TEX11: variants seen among roughly 807,000 people sequenced by gnomAD.
The protein encoded by TEX11 is testis expressed 11.
Under a neutral mutation model 84.4 loss-of-function variants are expected in TEX11, and 7 were observed. That is an observed-to-expected ratio of 0.08 (90% CI 0.05 to 0.16). The LOEUF is 0.16. Ranked by LOEUF, TEX11 falls within the 10% of genes least tolerant of loss-of-function variation. The pLI is 1.00. For synonymous variants in TEX11, 264 were observed against 222.8 expected (o/e 1.18, Z -1.64); for missense variants, 551 against 660.5 (o/e 0.83, Z 1.82).
intron 18 of TEX11, among the ~76,000 whole-genome samples, chrX:70,625,636 C>T (rs1162507765): frequency 1.8e-5 from 2 of 111,228 alleles, no homozygotes; most frequent in Non-Finnish European, 3.8e-5. Context: ...CAGACTATAT[C>T]ACCCACTACC....
At chrX:70,530,940 A>C (rs1603027692) in intron 28 of TEX11, among the ~76,000 whole-genome samples, 1 of 111,071 alleles carries the variant, frequency 9.0e-6, no homozygotes, top group Non-Finnish European at 1.9e-5. Flanking sequence ...CAGTTAAAGA[A>C]ATGAGCACTA....
intron 28 of TEX11, among the ~76,000 whole-genome samples, chrX:70,548,803 G>A (rs1001749091): frequency 1.2e-4 from 13 of 111,832 alleles, no homozygotes; most frequent in African/African-American, 4.2e-4. Context: ...GTGCTCTGGG[G>A]TTCTAAATAA....
the TEX11 span, among the ~76,000 whole-genome samples, chrX:70,515,730 C>T: frequency 8.9e-6 from 1 of 112,507 alleles, no homozygotes; most frequent in South Asian, 3.7e-4. Flanking sequence ...AGTTTACAGT[C>T]CCACCAGCAG....
chrX:70,863,724 T>A (rs1169557574), intron 4 of TEX11, among the ~76,000 whole-genome samples: 1 of 111,568 alleles, frequency 9.0e-6, no homozygotes, highest in African/African-American at 3.3e-5. Context: ...GCACAGAGAA[T>A]GAGTTTGACA....
At chrX:70,698,177 T>G (rs1344003557) in intron 13 of TEX11, among the ~76,000 whole-genome samples, 5 of 111,006 alleles carry the variant, frequency 4.5e-5, no homozygotes. Flanking sequence ...CTTTTTGTTG[T>G]GAATGTCCCA....
intron 8 of TEX11, among the ~76,000 whole-genome samples, chrX:70,810,302 C>G (rs921929092): frequency 2.4e-4 from 27 of 111,824 alleles, no homozygotes; most frequent in African/African-American, 8.8e-4. Context: ...GGTATATAGC[C>G]AAAAGATTAT....
intron 17 of TEX11, among the ~76,000 whole-genome samples, chrX:70,632,343 A>C (rs2147565237): frequency 9.0e-6 from 1 of 111,468 alleles, no homozygotes; most frequent in South Asian, 3.8e-4. Flanking sequence ...TAAATAAATT[A>C]AATAGAAATC....
chrX:70,545,526 C>T (rs1341195123), intron 28 of TEX11, among the ~76,000 whole-genome samples: 4 of 111,460 alleles, frequency 3.6e-5, no homozygotes, highest in Non-Finnish European at 7.5e-5. Flanking sequence ...GATGATAATG[C>T]CATTTTCTGG....
chrX:70,623,918 G>C lies in TEX11; in HGVS notation c.1751+32C>G, dbSNP rs370827725. 57 of 1,125,756 alleles carry C rather than the reference G, an allele frequency of 5.1e-5. 2 individuals carry two copies. In the Middle Eastern group the frequency reaches 9.7e-4, roughly 19 times the overall value. 92.8% of individuals were successfully genotyped at this position (1,125,756 alleles called of 1,213,427 possible). On this transcript the variant is annotated intron_variant, in intron 20 of 29. Transcript: ENST00000374333. ...GTAAGTTACTATAATTTGTCTAATG[G>C]GGAATACATCATTTTTGTTGAAATA...
intron 25 of TEX11, among the ~76,000 whole-genome samples, chrX:70,559,321 T>C (rs1569324983): frequency 8.9e-6 from 1 of 112,302 alleles, no homozygotes; most frequent in Non-Finnish European, 1.9e-5. Flanking sequence ...CAAAAGTCCA[T>C]GTATTATATA....
Position 70,907,784 on chromosome X carries a change from G to A in TEX11, c.6C>T (p.Asp2=). 8.5e-7 allele frequency: 1 copy of A among 1,182,409 alleles called. No homozygotes were observed. The highest frequency in any genetic ancestry group is 1.2e-6 in the Non-Finnish European group (1 of 868,861). Residue 2 remains aspartate, a synonymous_variant, in exon 2 of 30, where the codon GAC becomes GAT. Coordinates refer to ENST00000374333, the MANE Select transcript of TEX11 (RefSeq NM_031276.3). ...AGTCCATGGAAAAAAAATCATCATT[G>A]TCCATTTTTAAATCTCTGGCTCAAG... M[D]NDDFFSMDFK...
chrX:70,696,163 G>T (rs1179730659), intron 13 of TEX11, among the ~76,000 whole-genome samples: 1 of 111,363 alleles, frequency 9.0e-6, no homozygotes, highest in Non-Finnish European at 1.9e-5. Flanking sequence ...CTATCTGGTT[G>T]ATCTGCCACT....
chrX:70,826,691 C>T (rs1382130384), intron 8 of TEX11, among the ~76,000 whole-genome samples: 5 of 111,557 alleles, frequency 4.5e-5, no homozygotes, highest in African/African-American at 9.8e-5. Context: ...GTTCAGCCAG[C>T]GCTTGTGCAC....
intron 7 of TEX11, among the ~76,000 whole-genome samples, chrX:70,841,497 T>G (rs1308948102): frequency 9.1e-6 from 1 of 110,002 alleles, no homozygotes; most frequent in African/African-American, 3.3e-5. Flanking sequence ...AGAGGGAAAC[T>G]TATAGCACTA....
At chrX:70,847,202 A>C (rs1403289706) in intron 7 of TEX11, among the ~76,000 whole-genome samples, 2 of 111,672 alleles carry the variant, frequency 1.8e-5, no homozygotes, top group Non-Finnish European at 3.8e-5. Context: ...GTCCCTGGCC[A>C]GAAGCAGATG....
intron 2 of TEX11, among the ~76,000 whole-genome samples, chrX:70,905,106 T>C (rs1266490884): frequency 1.8e-5 from 2 of 111,623 alleles, no homozygotes; most frequent in Non-Finnish European, 3.8e-5. Flanking sequence ...GCAGATTGCC[T>C]GAGCTCAGGA....
chrX:70,858,853 C>G (rs1343720399), intron 5 of TEX11, among the ~76,000 whole-genome samples: 1 of 110,848 alleles, frequency 9.0e-6, no homozygotes, highest in Admixed American at 9.6e-5. Flanking sequence ...GCCTGGCCAA[C>G]ATGGTGAAAC....
chrX:70,729,458 C>G (rs967211106), intron 11 of TEX11, among the ~76,000 whole-genome samples: 7 of 111,483 alleles, frequency 6.3e-5, no homozygotes, highest in Non-Finnish European at 9.4e-5. Context: ...ACAGAGAAGT[C>G]CTTAAAGGAC....
intron 9 of TEX11, among the ~76,000 whole-genome samples, chrX:70,792,004 A>G (rs2091121088): frequency 9.4e-6 from 1 of 106,888 alleles, no homozygotes; most frequent in South Asian, 4.3e-4. Flanking sequence ...ACATGCCTGT[A>G]ATTCCAGCTA....
Sources: gnomAD v4.1 joint callset for allele counts (sites outside exome capture counted in the v4.1 genomes callset) on GRCh38, gnomAD v4.1.1 for gene constraint, MANE v1.5 for transcripts, NCBI Gene and HGNC (gene_info 2026-07-23, HGNC 2026-07-21) for gene names.